The following TTN variants were observed in gnomAD, a reference collection of about 807,000 sequenced individuals.
TTN encodes connectin.
Under a neutral mutation model 3,223.0 loss-of-function variants are expected in TTN, and 1,525 were observed. That is an observed-to-expected ratio of 0.47 (90% CI 0.45 to 0.49). The LOEUF (loss-of-function observed/expected upper bound fraction) is 0.49, where lower values mean the gene tolerates loss of function less well. Among genes scored for constraint, TTN ranks in the 20% least tolerant of loss-of-function variants. The probability of loss-of-function intolerance (pLI) is 0.00; values close to 1 mark genes in which losing one functional copy is unlikely to be tolerated. For missense variants in TTN, 40,786 were observed against 43,424.0 expected (o/e 0.94, Z 5.40); for synonymous variants, 14,094 against 15,161.0 (o/e 0.93, Z 5.17).
rs1700623048 is a variant in TTN, at chr2:178,554,620, G to C, written c.88727C>G (p.Thr29576Arg). 1 of 1,613,758 alleles carries C rather than the reference G, an allele frequency of 6.2e-7. No homozygotes were observed. The highest frequency in any genetic ancestry group is 1.3e-5 in the African/African-American group (1 of 74,898). ...CACCATAGACCACACAACGCGGCTT[G>C]TCTCACGCTTTTCCACAATGTAGTG... is the stretch of plus-strand genomic sequence containing the variant. Reference protein sequence around the residue: ...ITHYIVEKRETSRVVWSMVSE... With the variant: ...ITHYIVEKRERSRVVWSMVSE... Residue 29576 changes from threonine to arginine, a missense_variant, in exon 332 of 363, where the codon ACA becomes AGA. By Grantham distance (71) the Thr-to-Arg change is moderately conservative. Coordinates refer to ENST00000589042, the MANE Select transcript of TTN (RefSeq NM_001267550.2).
Position 178,563,517 on chromosome 2 carries a change from A to T in TTN, c.82615T>A (p.Ser27539Thr). The change falls in exon 326 of 363, where the codon TCC becomes ACC. Residue 27539 changes from serine (S) to threonine (T), a missense_variant. Coordinates refer to ENST00000589042, the MANE Select transcript of TTN (RefSeq NM_001267550.2). This position sits in a 1 kb window ranked among gnomAD's most constrained non-coding sequence, Gnocchi z 4.5. ...TCAGCAGCAACTCTGAATTCATAGG[A>T]ATGGCCTTCGGTAAGACCAGTTACC... is the stretch of plus-strand genomic sequence containing the variant. ...LRVTGLTEGH[S>T]YEFRVAAENA... is the part of the protein sequence containing the mutation. The T allele has an allele frequency of 6.2e-7, 1 of 1,613,760 alleles. No individual in the cohort carries two copies.
intron 359 of TTN, 126 bp downstream of exon 359, chr2:178,529,834 T>G (rs1688267325): frequency 9.4e-7 from 1 of 1,060,752 alleles, no homozygotes. Flanking sequence ...CAAATTGTAT[T>G]CTGGAATTAG....
Position 178,750,333 on chromosome 2 carries a change from C to T in TTN, c.11311+2791G>A, listed in dbSNP as rs143253411. The stretch of plus-strand genomic sequence containing the variant: ...AGCATACTGGTTGTTTTTACTGTTC[C>T]ATATTGGTTAAATAGCACACAAGTA... On this transcript the variant is annotated intron_variant, in intron 47 of 362. Transcript: ENST00000589042. The T allele has an allele frequency of 9.5e-4, 1,526 of 1,613,090 alleles. 8 individuals carry two copies. In the African/African-American group the frequency reaches 9.9e-3, roughly 10 times the overall value.
rs727504697 is a variant in TTN at position 178,732,581 on chromosome 2, C to T, written c.16480G>A (p.Gly5494Arg). The change falls in exon 56 of 363, where the codon GGA (glycine) becomes AGA (arginine). Residue 5494 changes from glycine to arginine, a missense_variant. Transcript: ENST00000589042. ...GCTTCTTTGGTAATATAGCAGCTTC[C>T]ACCAGAAACCAGCTCTTTGTTGCCC... is the stretch of plus-strand genomic sequence containing the variant. ...FKGNKELVSG[G>R]SCYITKEALE... The T allele has an allele frequency of 1.1e-5, 17 of 1,613,496 alleles. No homozygotes were observed. The East Asian group carries it at 3.8e-4, about 36-fold the overall frequency.
chr2:178,533,864 T>C lies in TTN; in HGVS notation c.102751A>G (p.Met34251Val), dbSNP rs56173891. The change falls in exon 358 of 363, where the codon ATG becomes GTG. Residue 34251 changes from methionine (M) to valine (V), a missense_variant. Coordinates refer to ENST00000589042, the MANE Select transcript of TTN (RefSeq NM_001267550.2). ...TCTGGTGGCCTTTCCAGGAGTCTCA[T>C]TGTGTCTGTTCTGCGCTTAATTTTC... ...MKKIKRRTDT[M>V]RLLERPPEFT... 2,381 of 1,613,918 alleles carry C rather than the reference T, an allele frequency of 1.5e-3. 4 individuals are homozygous for C. The highest frequency in any genetic ancestry group is 1.9e-3 in the Non-Finnish European group (2,217 of 1,179,854).
At chr2:178,651,600 A>T in intron 206 of TTN, 64 bp from the exon 207 acceptor site, 1 of 1,611,680 alleles carries the variant, frequency 6.2e-7, no homozygotes, top group Non-Finnish European at 8.5e-7. Context: ...ATCATGAAGC[A>T]GAACAGTAGA....
In TTN at chr2:178,573,480, T is replaced by A; in HGVS notation, c.72652A>T (p.Asn24218Tyr). The A allele has an allele frequency of 1.3e-6, 2 of 1,507,252 alleles. No homozygotes were observed. Among genetic ancestry groups the A allele is most frequent in the Non-Finnish European group, 1.8e-6 (2 of 1,131,986 alleles). The allele number at this position is 1,507,252 out of a possible 1,614,324, so 93.4% of individuals were successfully genotyped here. A position where few individuals can be genotyped will look rare whatever the true frequency, so the allele number is the denominator to read the frequency against. The change falls in exon 326 of 363, where the codon AAT becomes TAT. Residue 24218 changes from asparagine (N) to tyrosine (Y), a missense_variant. By Grantham distance (143) the Asn-to-Tyr change is moderately radical. Transcript: ENST00000589042. ...PLESEPVLAV[N>Y]PYGPPDPPKN... ...GGCGGATCAGGGGGTCCATAAGGAT[T>A]CACTGCAAGCACAGGCTCTGATTCC...
rs1697809647 is a variant in TTN, at chr2:178,547,734, T to C, written c.93892A>G (p.Thr31298Ala). 6.2e-7 allele frequency: 1 copy of C among 1,613,910 alleles called. No homozygotes were observed. Among genetic ancestry groups the C allele is most frequent in the Non-Finnish European group, 8.5e-7 (1 of 1,179,840 alleles). ...ATGACCACAACTGTGACGCTAAATGTTTTAACACCAGCTGTATTTTCCAGG... is the reference window on the plus strand; with the variant it reads ...ATGACCACAACTGTGACGCTAAATGCTTTAACACCAGCTGTATTTTCCAGG... Reference protein sequence around the residue: ...LTLENTAGVKTFSVTVVVIGR... With the variant: ...LTLENTAGVKAFSVTVVVIGR... The change falls in exon 339 of 363, where the codon ACA becomes GCA. Residue 31298 changes from threonine to alanine, a missense_variant. Physicochemically the swap from Thr to Ala is moderately conservative, Grantham distance 58. Coordinates refer to ENST00000589042, the MANE Select transcript of TTN (RefSeq NM_001267550.2).
chr2:178,579,083 T>G lies in TTN; in HGVS notation c.67947A>C (p.Gly22649=). The change falls in exon 320 of 363, where the codon GGA becomes GGC. Residue 22649 remains glycine (G), a synonymous_variant. Coordinates refer to ENST00000589042, the MANE Select transcript of TTN (RefSeq NM_001267550.2). The part of the protein sequence containing the change: ...KVVGKPGIPT[G]PIKFDEVTAE... Reference sequence around the variant, plus strand: ...CTGTGACTTCATCAAATTTGATTGGTCCAGTGGGGATGCCAGGCTTGCCAA... The same window carrying G: ...CTGTGACTTCATCAAATTTGATTGGGCCAGTGGGGATGCCAGGCTTGCCAA... 5.6e-6 allele frequency: 9 copies of G among 1,613,372 alleles called. No homozygotes were observed. The highest frequency in any genetic ancestry group is 7.6e-6 in the Non-Finnish European group (9 of 1,179,534).
chr2:178,642,360 A>G, intron 218 of TTN, 43 bp from the exon 219 acceptor site: 2 of 1,519,528 alleles, frequency 1.3e-6, no homozygotes, highest in Non-Finnish European at 1.8e-6. Context: ...AATTTATATA[A>G]AAACGGAATT....
rs76031805 is a variant in TTN at position 178,761,265 on chromosome 2, C to T, written c.10115-2093G>A. 5.5e-3 allele frequency among the ~76,000 whole-genome samples: 837 copies of T among 152,244 alleles called. 9 individuals are homozygous for T. The highest frequency in any genetic ancestry group is 0.019 in the African/African-American group (801 of 41,530). On this transcript the variant is annotated intron_variant, in intron 43 of 362. Coordinates refer to ENST00000589042, the MANE Select transcript of TTN (RefSeq NM_001267550.2). ...AGTCTTGCCTCCCACATCTGTCCAT[C>T]CCTTCTTTCCCTATCACAGTATCAC...
At chr2:178,598,429 A>C in intron 292 of TTN, 77 bp downstream of exon 292, 1 of 1,513,952 alleles carries the variant, frequency 6.6e-7, no homozygotes, top group Non-Finnish European at 8.9e-7. Context: ...TATAGACAGA[A>C]GTTAATGGGA....
chr2:178,720,402 C>G lies in TTN; in HGVS notation c.23360G>C (p.Cys7787Ser), dbSNP rs1332033261. 6.2e-7 allele frequency: 1 copy of G among 1,612,474 alleles called. No homozygotes were observed. The highest frequency in any genetic ancestry group is 8.5e-7 in the Non-Finnish European group (1 of 1,179,068). ...ATACAAACCTTTGAACTTGACAGAG[C>G]AAGAACACGTGTCACTTCCCACCTC... The part of the protein sequence containing the change: ...TNEVGSDTCS[C>S]SVKFKEPPRF... Residue 7787 changes from cysteine to serine, a missense_variant, in exon 80 of 363, where the codon TGC becomes TCC. Transcript: ENST00000589042.
chr2:178,758,849 A>C, intron 44 of TTN, 135 bp downstream of exon 44: 1 of 918,096 alleles, frequency 1.1e-6, no homozygotes, highest in South Asian at 1.4e-5. Flanking sequence ...GGCATATAAC[A>C]GGGAAATAAT....
chr2:178,792,009 C>T, intron 10 of TTN, 63 bp downstream of exon 10: 5 of 1,570,412 alleles, frequency 3.2e-6, no homozygotes, highest in Non-Finnish European at 4.3e-6. Context: ...TATAAGCTAC[C>T]TGCAGCTGGC....
chr2:178,615,266 T>C, intron 259 of TTN, 41 bp downstream of exon 259: 1 of 1,604,722 alleles, frequency 6.2e-7, no homozygotes, highest in Middle Eastern at 1.7e-4. Flanking sequence ...TTTTAGTGAC[T>C]AGGAGTACAC....
intron 6 of TTN, among the ~76,000 whole-genome samples, chr2:178,796,411 T>C (rs772621019): frequency 6.6e-6 from 1 of 152,196 alleles, no homozygotes; most frequent in Non-Finnish European, 1.5e-5. Flanking sequence ...CAGTTGATAT[T>C]TTCTCTAACT....
chr2:178,537,243 T>C lies in TTN; in HGVS notation c.99866A>G (p.Asp33289Gly). 1.3e-6 allele frequency: 2 copies of C among 1,586,506 alleles called. No homozygotes were observed. Among genetic ancestry groups the C allele is most frequent in the Non-Finnish European group, 1.7e-6 (2 of 1,164,768 alleles). ...VDAILDVEIQ[D>G]KPDKPTGPIV... ...TGGTCCTGTAGGTTTGTCTGGTTTA[T>C]CTGTTGGGGGAAAATACAATTGTGG... Residue 33289 changes from aspartate (D) to glycine (G), a missense_variant and splice_region_variant, in exon 356 of 363, where the codon GAT (aspartate) becomes GGT (glycine). Physicochemically the swap from Asp to Gly is moderately conservative, Grantham distance 94. Transcript: ENST00000589042.
Position 178,531,760 on chromosome 2 carries a change from C to G in TTN, c.104855G>C (p.Arg34952Thr). 1.2e-6 allele frequency: 2 copies of G among 1,613,980 alleles called. No homozygotes were observed. Among genetic ancestry groups the G allele is most frequent in the Non-Finnish European group, 8.5e-7 (1 of 1,179,880 alleles). The change falls in exon 358 of 363, where the codon AGG becomes ACG. Residue 34952 changes from arginine (R) to threonine (T), a missense_variant. Transcript: ENST00000589042. The stretch of plus-strand genomic sequence containing the variant: ...ACGTGTATTTTGGCCACATGGTACC[C>G]TGTGCGAGCGCATTCTCAGTGTGAT... ...PRITLRMRSH[R>T]VPCGQNTRFI...
Sources: allele counts gnomAD v4.1 joint callset (sites outside exome capture counted in the v4.1 genomes callset), GRCh38; gene constraint gnomAD v4.1.1; non-coding constraint Gnocchi (gnomAD v3.1); transcripts MANE v1.5; gene names NCBI Gene and HGNC (gene_info 2026-07-23, HGNC 2026-07-21).